PPIB: variants seen among roughly 807,000 people sequenced by gnomAD.
PPIB encodes the protein peptidylprolyl isomerase B.
In PPIB, 15 loss-of-function variants were observed where a neutral mutation model predicts 20.1. The observed-to-expected ratio is 0.75, with a 90% CI of 0.50 to 1.15. The LOEUF is 1.15. Among genes scored for constraint, PPIB ranks in the 50% most tolerant of loss-of-function variants. The probability of loss-of-function intolerance (pLI) is 0.00; values close to 1 mark genes in which losing one functional copy is unlikely to be tolerated. For missense variants in PPIB, 278 were observed against 283.0 expected (o/e 0.98, Z 0.13); for synonymous variants, 129 against 111.0 (o/e 1.16, Z -1.02).
Position 64,157,073 on chromosome 15 carries a change from G to A in PPIB, c.344-164C>T. 1 of 741,996 alleles carries A rather than the reference G, an allele frequency of 1.3e-6. No homozygotes were observed. The highest frequency in any genetic ancestry group is 1.9e-5 in the South Asian group (1 of 53,710). The allele number at this position is 741,996 out of a possible 1,614,324, so 46.0% of individuals were successfully genotyped here. ...GTCCTTCCTATCTTCTGGCCTCAGA[G>A]CCAAGCCATGCTGACTGAGGCCAAG... On this transcript the variant is annotated intron_variant, in intron 3 of 4. Transcript: ENST00000300026. This position sits in a 1 kb window ranked among gnomAD's most constrained non-coding sequence, Gnocchi z 4.2.
At position 64,156,969 on chromosome 15, in the gene PPIB, CG is replaced by C; in HGVS notation, c.344-61del. ...GATTGCGCCAAACCAAGCAGACATT[CG>C]GGGCCAGGACTGAGGGGGCTTAACC... On this transcript the variant is annotated intron_variant, in intron 3 of 4. Coordinates refer to ENST00000300026, the MANE Select transcript of PPIB (RefSeq NM_000942.5). The surrounding 1 kb of genome is among the most constrained non-coding windows in gnomAD (Gnocchi z 6.4). The C allele has an allele frequency of 2.6e-6, 4 of 1,564,544 alleles. 1 individual carries two copies. In the South Asian group the frequency reaches 3.4e-5, roughly 13 times the overall value.
At position 64,161,501 on chromosome 15, in the gene PPIB, G is replaced by A. The variant is rs893716791; in HGVS notation, c.249+540C>T. 1.3e-5 allele frequency among the ~76,000 whole-genome samples: 2 copies of A among 151,728 alleles called. No homozygotes were observed. The highest frequency in any genetic ancestry group is 2.4e-5 in the African/African-American group (1 of 41,348). On this transcript the variant is annotated intron_variant, in intron 2 of 4. Transcript: ENST00000300026. The surrounding 1 kb of genome is among the most constrained non-coding windows in gnomAD (Gnocchi z 4.2). The stretch of plus-strand genomic sequence containing the variant: ...AGCACTTTGGGAGGCCAAGGCAGGC[G>A]GATCACCAGAGGTCAGGAGTTCGAG...
Position 64,156,968 on chromosome 15 carries a change from TC to T in PPIB, c.344-60del. On this transcript the variant is annotated intron_variant, in intron 3 of 4. Transcript: ENST00000300026. This position sits in a 1 kb window ranked among gnomAD's most constrained non-coding sequence, Gnocchi z 6.4. ...GGATTGCGCCAAACCAAGCAGACAT[TC>T]GGGGCCAGGACTGAGGGGGCTTAAC... 6.4e-7 allele frequency: 1 copy of T among 1,568,024 alleles called. No individual in the cohort carries two copies. The highest frequency in any genetic ancestry group is 1.7e-5 in the Admixed American group (1 of 59,112).
rs1391304392 is a variant in PPIB at position 64,160,469 on chromosome 15, A to G, written c.250-272T>C. 1.3e-5 allele frequency among the ~76,000 whole-genome samples: 2 copies of G among 152,190 alleles called. No homozygotes were observed. Among genetic ancestry groups the G allele is most frequent in the African/African-American group, 4.8e-5 (2 of 41,448 alleles). ...TAATGCTTTTCCCCTCATTTCTTCCAATCATAAGAACAGATACAAGAAAAC... is the reference window on the plus strand; with the variant it reads ...TAATGCTTTTCCCCTCATTTCTTCCGATCATAAGAACAGATACAAGAAAAC... On this transcript the variant is annotated intron_variant, in intron 2 of 4. Coordinates refer to ENST00000300026, the MANE Select transcript of PPIB (RefSeq NM_000942.5). The surrounding 1 kb of genome is among the most constrained non-coding windows in gnomAD (Gnocchi z 4.8).
chr15:64,156,093 A>C lies in PPIB; in HGVS notation c.581T>G (p.Leu194Arg). The C allele has an allele frequency of 6.2e-7, 1 of 1,614,162 alleles. No homozygotes were observed. Among genetic ancestry groups the C allele is most frequent in the Non-Finnish European group, 8.5e-7 (1 of 1,180,022 alleles). The change falls in exon 5 of 5, where the codon CTG becomes CGG. Residue 194 changes from leucine (L) to arginine (R), a missense_variant. Coordinates refer to ENST00000300026, the MANE Select transcript of PPIB (RefSeq NM_000942.5). The surrounding 1 kb of genome is among the most constrained non-coding windows in gnomAD (Gnocchi z 6.4). ...GCAGTCTGCGATGATCACATCCTTCAGGGGTTTATCCCGGCTGTCTGTCTT... is the reference window on the plus strand; with the variant it reads ...GCAGTCTGCGATGATCACATCCTTCCGGGGTTTATCCCGGCTGTCTGTCTT... The part of the protein sequence containing the change: ...STKTDSRDKP[L>R]KDVIIADCGK...
Position 64,163,019 on chromosome 15 carries a change from T to C in PPIB, c.-33A>G. The C allele has an allele frequency of 6.3e-7, 1 of 1,593,132 alleles. No individual in the cohort carries two copies. The highest frequency in any genetic ancestry group is 8.6e-7 in the Non-Finnish European group (1 of 1,169,204). On this transcript the variant is annotated 5_prime_UTR_variant, in exon 1 of 5. Coordinates refer to ENST00000300026, the MANE Select transcript of PPIB (RefSeq NM_000942.5). ...CGGAGGCGAAAGCAGCCCGGACAGCTGAGGCCGGAAGAGGGTGGGGCCGCG... is the reference window on the plus strand; with the variant it reads ...CGGAGGCGAAAGCAGCCCGGACAGCCGAGGCCGGAAGAGGGTGGGGCCGCG...
rs886051323 is a variant in PPIB, at chr15:64,160,168, G to A, written c.279C>T (p.Phe93=). The A allele has an allele frequency of 2.5e-6, 4 of 1,614,096 alleles. No homozygotes were observed. In the South Asian group the frequency reaches 4.4e-5, roughly 18 times the overall value. ...TCATGAAGTCCTTGATTACACGATG[G>A]AATTTGCTGTTTTTGTAGCCAAATC... ...EKGFGYKNSK[F]HRVIKDFMIQ... Residue 93 remains phenylalanine (F), a synonymous_variant, in exon 3 of 5, where the codon TTC becomes TTT. Coordinates refer to ENST00000300026, the MANE Select transcript of PPIB (RefSeq NM_000942.5). This position sits in a 1 kb window ranked among gnomAD's most constrained non-coding sequence, Gnocchi z 4.8.
At position 64,156,080 on chromosome 15, in the gene PPIB, G is replaced by GA. The variant is rs2081528623; in HGVS notation, c.593dup (p.Ile199HisfsTer27). 6.2e-7 allele frequency: 1 copy of GA among 1,614,092 alleles called. No homozygotes were observed. Among genetic ancestry groups the GA allele is most frequent in the Non-Finnish European group, 8.5e-7 (1 of 1,180,046 alleles). ...CCTCGATCTTGCCGCAGTCTGCGAT[G>GA]ATCACATCCTTCAGGGGTTTATCCC... On this transcript the variant is annotated frameshift_variant, in exon 5 of 5. Coordinates refer to ENST00000300026, the MANE Select transcript of PPIB (RefSeq NM_000942.5). LOFTEE classifies it high-confidence loss of function. This position sits in a 1 kb window ranked among gnomAD's most constrained non-coding sequence, Gnocchi z 6.4.
rs568054483 is a variant in PPIB at position 64,162,954 on chromosome 15, C to G, written c.33G>C (p.Val11=). 9.9e-6 allele frequency: 16 copies of G among 1,613,566 alleles called. No individual in the cohort carries two copies. In the African/African-American group the frequency reaches 2.0e-4, roughly 20 times the overall value. MLRLSERNMK[V]LLAAALIAGS... ...CCGCGATGAGGGCGGCGGCAAGGAG[C>G]ACCTTCATGTTGCGTTCGGAGAGGC... Residue 11 remains valine, a synonymous_variant, in exon 1 of 5, where the codon GTG becomes GTC. Transcript: ENST00000300026.
rs567483567 is a variant in PPIB at position 64,156,927 on chromosome 15, G to A, written c.344-18C>T. On this transcript the variant is annotated intron_variant, in intron 3 of 4. Transcript: ENST00000300026. This position sits in a 1 kb window ranked among gnomAD's most constrained non-coding sequence, Gnocchi z 6.4. ...GCTCTTTCCTGGGAAAAAAGACAGAGCAGGTCAGGGGCGCTGGATTGCGCC... is the reference window on the plus strand; with the variant it reads ...GCTCTTTCCTGGGAAAAAAGACAGAACAGGTCAGGGGCGCTGGATTGCGCC... 12 of 1,613,602 alleles carry A rather than the reference G, an allele frequency of 7.4e-6. No individual in the cohort carries two copies. The African/African-American group carries it at 8.0e-5, about 11-fold the overall frequency.
At position 64,160,633 on chromosome 15, in the gene PPIB, C is replaced by G. The variant is rs530965048; in HGVS notation, c.250-436G>C. On this transcript the variant is annotated intron_variant, in intron 2 of 4. Coordinates refer to ENST00000300026, the MANE Select transcript of PPIB (RefSeq NM_000942.5). This position sits in a 1 kb window ranked among gnomAD's most constrained non-coding sequence, Gnocchi z 4.8. Reference sequence around the variant, plus strand: ...CTCTGGACCCCTTACTCTTTTTTATCTCATTTTTTAAATTTTATTATTATT... The same window carrying G: ...CTCTGGACCCCTTACTCTTTTTTATGTCATTTTTTAAATTTTATTATTATT... Among the ~76,000 whole-genome samples, 1 of 152,264 alleles carries G rather than the reference C, an allele frequency of 6.6e-6. No homozygotes were observed. Among genetic ancestry groups the G allele is most frequent in the East Asian group, 1.9e-4 (1 of 5,190 alleles).
rs768305128 is a variant in PPIB, at chr15:64,160,090, G to A, written c.343+14C>T. On this transcript the variant is annotated intron_variant, in intron 3 of 4. Transcript: ENST00000300026. This position sits in a 1 kb window ranked among gnomAD's most constrained non-coding sequence, Gnocchi z 4.8. Reference sequence around the variant, plus strand: ...ACACTGACATACTCCTTGGCCCAGAGGACCTGTGGTTACCTCCTGTGCCAT... The same window carrying A: ...ACACTGACATACTCCTTGGCCCAGAAGACCTGTGGTTACCTCCTGTGCCAT... 35 of 1,595,526 alleles carry A rather than the reference G, an allele frequency of 2.2e-5. No homozygotes were observed. The highest frequency in any genetic ancestry group is 2.8e-5 in the Non-Finnish European group (32 of 1,163,094).
At chr15:64,162,646 C>T (rs2081569242) in intron 1 of PPIB, among the ~76,000 whole-genome samples, 1 of 149,340 alleles carries the variant, frequency 6.7e-6, no homozygotes, top group African/African-American at 2.4e-5. Context: ...GATGGGTATC[C>T]GGGGATCCAA....
Position 64,156,597 on chromosome 15 carries a change from G to T in PPIB, c.528+128C>A. The stretch of plus-strand genomic sequence containing the variant: ...GGTACAGGGTTTATTCTGGACAGGA[G>T]CACTGGGCTGCATCTGTGGGTTGGG... On this transcript the variant is annotated intron_variant, in intron 4 of 4. Coordinates refer to ENST00000300026, the MANE Select transcript of PPIB (RefSeq NM_000942.5). The surrounding 1 kb of genome is among the most constrained non-coding windows in gnomAD (Gnocchi z 6.4). 8.9e-7 allele frequency: 1 copy of T among 1,119,710 alleles called. No homozygotes were observed. Among genetic ancestry groups the T allele is most frequent in the African/African-American group, 1.5e-5 (1 of 65,350 alleles). 69.4% of individuals were successfully genotyped at this position (1,119,710 alleles called of 1,614,324 possible).
chr15:64,155,954 AGCTCAGAGCCCTGT>A lies in PPIB; in HGVS notation c.*55_*68del. ...CAGATGCCAGCACCGGGGCCAGTGCAGCTCAGAGCCCTGTGGCGGACTACAGGGCCTGCACAGAC... is the reference window on the plus strand; with the variant it reads ...CAGATGCCAGCACCGGGGCCAGTGCAGGCGGACTACAGGGCCTGCACAGAC... On this transcript the variant is annotated 3_prime_UTR_variant, in exon 5 of 5. Coordinates refer to ENST00000300026, the MANE Select transcript of PPIB (RefSeq NM_000942.5). The A allele has an allele frequency of 6.2e-7, 1 of 1,611,564 alleles. No homozygotes were observed. Among genetic ancestry groups the A allele is most frequent in the Non-Finnish European group, 8.5e-7 (1 of 1,179,078 alleles).
Position 64,156,054 on chromosome 15 carries a change from A to G in PPIB, c.620T>C (p.Val207Ala), listed in dbSNP as rs1804427. 1.2e-6 allele frequency: 2 copies of G among 1,614,108 alleles called. No homozygotes were observed. The highest frequency in any genetic ancestry group is 2.2e-5 in the East Asian group (1 of 44,882). Residue 207 changes from valine to alanine, a missense_variant, in exon 5 of 5, where the codon GTG (valine) becomes GCG (alanine). Val to Ala is a moderately conservative substitution (Grantham distance 64). Transcript: ENST00000300026. This position sits in a 1 kb window ranked among gnomAD's most constrained non-coding sequence, Gnocchi z 6.4. ...VIIADCGKIE[V>A]EKPFAIAKE ...CTTGGCGATGGCAAAGGGCTTCTCC[A>G]CCTCGATCTTGCCGCAGTCTGCGAT...
rs1305599837 is a variant in PPIB, at chr15:64,161,521, T to A, written c.249+520A>T. Among the ~76,000 whole-genome samples the A allele has an allele frequency of 6.6e-6, 1 of 151,526 alleles. No individual in the cohort carries two copies. Among genetic ancestry groups the A allele is most frequent in the Non-Finnish European group, 1.5e-5 (1 of 67,878 alleles). On this transcript the variant is annotated intron_variant, in intron 2 of 4. Transcript: ENST00000300026. The surrounding 1 kb of genome is among the most constrained non-coding windows in gnomAD (Gnocchi z 4.2). ...CAGGCGGATCACCAGAGGTCAGGAG[T>A]TCGAGTTCAGCCTGGCCAACATGGT...
Position 64,161,190 on chromosome 15 carries a change from G to A in PPIB, c.249+851C>T, listed in dbSNP as rs940114631. ...TTGGCCAGGCTGGTCTCGAACTCCT[G>A]ACCTCAGGTGATCTACCCGCCTCAG... On this transcript the variant is annotated intron_variant, in intron 2 of 4. Coordinates refer to ENST00000300026, the MANE Select transcript of PPIB (RefSeq NM_000942.5). This position sits in a 1 kb window ranked among gnomAD's most constrained non-coding sequence, Gnocchi z 4.2. Among the ~76,000 whole-genome samples the A allele has an allele frequency of 3.3e-5, 5 of 150,020 alleles. No homozygotes were observed. The highest frequency in any genetic ancestry group is 7.4e-5 in the Non-Finnish European group (5 of 67,338).
Position 64,159,703 on chromosome 15 carries a change from C to G in PPIB, c.343+401G>C. 3.2e-6 allele frequency: 1 copy of G among 312,150 alleles called. No individual in the cohort carries two copies. The highest frequency in any genetic ancestry group is 3.0e-5 in the South Asian group (1 of 32,956). 19.3% of individuals were successfully genotyped at this position (312,150 alleles called of 1,614,324 possible). A position where few individuals can be genotyped will look rare whatever the true frequency, so the allele number is the denominator to read the frequency against. On this transcript the variant is annotated intron_variant, in intron 3 of 4. Transcript: ENST00000300026. The surrounding 1 kb of genome is among the most constrained non-coding windows in gnomAD (Gnocchi z 5.1). ...AGAGTCACCACGCCTGGCCCTCTCA[C>G]TCTTGCTGGGGCTTCCAGGGTAGCC... is the stretch of plus-strand genomic sequence containing the variant.
Sources: allele counts gnomAD v4.1 joint callset (sites outside exome capture counted in the v4.1 genomes callset), GRCh38; gene constraint gnomAD v4.1.1; non-coding constraint Gnocchi (gnomAD v3.1); transcripts MANE v1.5; gene names NCBI Gene and HGNC (gene_info 2026-07-23, HGNC 2026-07-21).